Variants in UNC5D observed in about 807,000 individuals in gnomAD.
UNC5D encodes netrin receptor UNC5D.
A neutral mutation model predicts 105.4 loss-of-function variants in UNC5D; 39 were observed. The ratio of observed to expected loss-of-function variants is 0.37; its 90% CI spans 0.29 to 0.48. UNC5D has a LOEUF of 0.48. UNC5D is among the 20% of genes least tolerant of loss of function. The pLI is 0.98. For synonymous variants in UNC5D, 452 were observed against 450.4 expected, an observed-to-expected ratio of 1.00 and a Z score of -0.04; for missense variants, 991 against 1,202.4, an observed-to-expected ratio of 0.82 and a Z score of 2.60.
At chr8:35,481,332 G>A (rs868061055) in intron 1 of UNC5D, among the ~76,000 whole-genome samples, 24 of 152,182 alleles carry the variant, frequency 1.6e-4, no homozygotes, top group Admixed American at 2.6e-4. Flanking sequence ...GACAAAGGTG[G>A]AGGTTGCAGT....
intron 2 of UNC5D, among the ~76,000 whole-genome samples, chr8:35,553,662 G>A (rs958905422): frequency 3.3e-5 from 5 of 152,148 alleles, no homozygotes; most frequent in African/African-American, 1.2e-4. Context: ...TGTATTAATA[G>A]TAGAATTGTG....
chr8:35,416,839 T>C (rs1805562886), intron 1 of UNC5D, among the ~76,000 whole-genome samples: 1 of 152,218 alleles, frequency 6.6e-6, no homozygotes, highest in Admixed American at 6.5e-5. Context: ...TTAGCACCCA[T>C]GATTCAACAG....
intron 4 of UNC5D, among the ~76,000 whole-genome samples, chr8:35,673,471 G>T (rs1824971223): frequency 6.6e-6 from 1 of 152,144 alleles, no homozygotes; most frequent in Admixed American, 6.5e-5. Context: ...AATGGCTAAT[G>T]CCTTGTGGTA....
intron 1 of UNC5D, among the ~76,000 whole-genome samples, chr8:35,324,300 T>C (rs1475020575): frequency 1.3e-5 from 2 of 151,070 alleles, no homozygotes; most frequent in African/African-American, 4.8e-5. Context: ...TCATAATTTA[T>C]TAAGTGGGCA....
chr8:35,288,804 T>C (rs1364404747), intron 1 of UNC5D, among the ~76,000 whole-genome samples: 4 of 152,152 alleles, frequency 2.6e-5, no homozygotes, highest in Non-Finnish European at 4.4e-5. Flanking sequence ...GGATGAGATA[T>C]TTTATGTAAG....
intron 8 of UNC5D, among the ~76,000 whole-genome samples, chr8:35,717,543 T>A (rs189186489): frequency 5.9e-5 from 9 of 152,276 alleles, no homozygotes; most frequent in Admixed American, 5.9e-4. Context: ...TTAGTCCTTC[T>A]CCCCAGCTTT....
At chr8:35,677,178 G>T (rs1825294632) in intron 4 of UNC5D, among the ~76,000 whole-genome samples, 1 of 152,038 alleles carries the variant, frequency 6.6e-6, no homozygotes, top group Non-Finnish European at 1.5e-5. Context: ...AGACCACCAT[G>T]ACACATGAAA....
chr8:35,601,102 A>T (rs1819847771), intron 4 of UNC5D, among the ~76,000 whole-genome samples: 2 of 152,066 alleles, frequency 1.3e-5, no homozygotes. Context: ...CAAAGATCAG[A>T]TAGTTGTAGA....
At chr8:35,458,195 A>G (rs927370280) in intron 1 of UNC5D, among the ~76,000 whole-genome samples, 2 of 152,126 alleles carry the variant, frequency 1.3e-5, no homozygotes, top group African/African-American at 2.4e-5. Context: ...CAAGCTCCTC[A>G]TTGTAGAGAG....
chr8:35,525,296 C>T, intron 1 of UNC5D: 2 of 1,612,152 alleles, frequency 1.2e-6, no homozygotes, highest in East Asian at 2.2e-5. Flanking sequence ...TCAGTGCACT[C>T]CCCTCTTTGC....
intron 3 of UNC5D, 68 bp downstream of exon 3, chr8:35,568,309 G>C: frequency 6.4e-7 from 1 of 1,552,496 alleles, no homozygotes; most frequent in Non-Finnish European, 8.7e-7. Flanking sequence ...CTGAAGAGAG[G>C]TTTTACAGAT....
At chr8:35,781,726 C>A (rs534916181) in intron 16 of UNC5D, among the ~76,000 whole-genome samples, 8 of 152,214 alleles carry the variant, frequency 5.3e-5, no homozygotes, top group African/African-American at 1.9e-4. Context: ...TTTCATTTCC[C>A]AAATTGAGAA....
In UNC5D at chr8:35,792,841, T is replaced by C. The variant is rs1183271371; in HGVS notation, c.*2278T>C. On this transcript the variant is annotated 3_prime_UTR_variant, in exon 17 of 17. Transcript: ENST00000404895. The stretch of plus-strand genomic sequence containing the variant: ...ACATAGGTCTTTTTTTTTAGATGTT[T>C]GATACATTTTAAGTATTTTTAAATA... 5.8e-6 allele frequency: 2 copies of C among 344,614 alleles called. No individual in the cohort carries two copies. The highest frequency in any genetic ancestry group is 2.2e-5 in the African/African-American group (1 of 46,096). The allele number at this position is 344,614 out of a possible 1,614,324, so 21.3% of individuals were successfully genotyped here.
chr8:35,716,067 G>A (rs1828233993), intron 8 of UNC5D, among the ~76,000 whole-genome samples: 1 of 152,176 alleles, frequency 6.6e-6, no homozygotes, highest in African/African-American at 2.4e-5. Flanking sequence ...GCTATAGTTA[G>A]TGACTTCCTC....
chr8:35,371,633 A>G (rs1358133091), intron 1 of UNC5D, among the ~76,000 whole-genome samples: 12 of 152,026 alleles, frequency 7.9e-5, no homozygotes, highest in Non-Finnish European at 1.5e-5. Context: ...TTTGTTATGC[A>G]TTTGTAGCTA....
At chr8:35,434,266 A>T (rs1448283590) in intron 1 of UNC5D, among the ~76,000 whole-genome samples, 1 of 152,104 alleles carries the variant, frequency 6.6e-6, no homozygotes, top group Non-Finnish European at 1.5e-5. Context: ...AAATTTGGTA[A>T]CATTTTAATG....
At chr8:35,409,028 G>T (rs1473091697) in intron 1 of UNC5D, among the ~76,000 whole-genome samples, 1 of 152,048 alleles carries the variant, frequency 6.6e-6, no homozygotes. Context: ...AAATCACACA[G>T]TATATATCCT....
intron 1 of UNC5D, among the ~76,000 whole-genome samples, chr8:35,276,833 A>C (rs1805808548): frequency 6.6e-6 from 1 of 152,190 alleles, no homozygotes; most frequent in Non-Finnish European, 1.5e-5. Flanking sequence ...TCCAATCCTG[A>C]ACCTTAAGGC....
chr8:35,516,604 A>G (rs962096448), intron 1 of UNC5D, among the ~76,000 whole-genome samples: 1 of 152,190 alleles, frequency 6.6e-6, no homozygotes, highest in African/African-American at 2.4e-5. Flanking sequence ...GAAAAAACTG[A>G]TAGTAAATTT....
Sources: allele counts gnomAD v4.1 joint callset (sites outside exome capture counted in the v4.1 genomes callset), GRCh38; gene constraint gnomAD v4.1.1; transcripts MANE v1.5; gene names NCBI Gene and HGNC (gene_info 2026-07-23, HGNC 2026-07-21).